Variants in CWC27 observed in about 807,000 individuals in gnomAD.
CWC27 encodes the protein CWC27 spliceosome associated cyclophilin.
In CWC27, 47 loss-of-function variants were observed where a neutral mutation model predicts 63.6. That is an observed-to-expected ratio of 0.74 (90% CI 0.58 to 0.94). The LOEUF is 0.94. CWC27 is among the 40% of genes least tolerant of loss of function. The pLI is 0.00. For missense variants in CWC27, 495 were observed against 554.3 expected, an observed-to-expected ratio of 0.89 and a Z score of 1.07; for synonymous variants, 175 against 179.8, an observed-to-expected ratio of 0.97 and a Z score of 0.22.
chr5:64,784,237 A>G (rs906034247), intron 4 of CWC27, among the ~76,000 whole-genome samples: 5 of 152,192 alleles, frequency 3.3e-5, no homozygotes, highest in Non-Finnish European at 7.4e-5. Context: ...AAATCATAGT[A>G]ATGGTATGAG....
intron 10 of CWC27, among the ~76,000 whole-genome samples, chr5:64,834,433 A>G (rs774543362): frequency 1.5e-4 from 22 of 151,630 alleles, no homozygotes; most frequent in Non-Finnish European, 2.8e-4. Flanking sequence ...CCTCCAAGAG[A>G]TCTGGAATAA....
Position 64,774,119 on chromosome 5 carries a change from A to G in CWC27, c.43-572A>G, listed in dbSNP as rs576764107. Among the ~76,000 whole-genome samples the G allele has an allele frequency of 2.6e-5, 4 of 152,098 alleles. No individual in the cohort carries two copies. In the South Asian group the frequency reaches 8.3e-4, roughly 32 times the overall value. On this transcript the variant is annotated intron_variant, in intron 1 of 13. Transcript: ENST00000381070. ...TTTATTGGAATTGATGCAATGGGAA[A>G]CTCAATTATAACAAATTTGCATTAT...
At chr5:64,904,033 G>A (rs1425732817) in intron 11 of CWC27, among the ~76,000 whole-genome samples, 1 of 152,158 alleles carries the variant, frequency 6.6e-6, no homozygotes, top group Non-Finnish European at 1.5e-5. Context: ...GCTATACAGT[G>A]AACATCCTTG....
rs571168976 is a variant in CWC27, at chr5:64,868,618, C to T, written c.939-16825C>T. ...GACCAGCAATCTGTGTTTTAACAAG[C>T]CTTCAGGTGATTCTGATATCAGCTA... On this transcript the variant is annotated intron_variant, in intron 10 of 13. Coordinates refer to ENST00000381070, the MANE Select transcript of CWC27 (RefSeq NM_005869.4). Among the ~76,000 whole-genome samples, 3 of 151,956 alleles carry T rather than the reference C, an allele frequency of 2.0e-5. 1 individual carries two copies. Among genetic ancestry groups the T allele is most frequent in the South Asian group, 4.2e-4 (2 of 4,814 alleles).
rs779536862 is a variant in CWC27 at position 64,971,660 on chromosome 5, G to A, written c.1043-43G>A. The A allele has an allele frequency of 5.6e-6, 8 of 1,428,440 alleles. No individual in the cohort carries two copies. In the South Asian group the frequency reaches 1.1e-4, roughly 20 times the overall value. 88.5% of individuals were successfully genotyped at this position (1,428,440 alleles called of 1,614,324 possible). ...ATAAACATTGCTATGAATCCACAGA[G>A]CTATTTTACTGCTTATTCTAAAAAT... On this transcript the variant is annotated intron_variant, in intron 11 of 13. Transcript: ENST00000381070.
Position 64,960,934 on chromosome 5 carries a change from T to TA in CWC27, c.1043-10766dup, listed in dbSNP as rs397725068. Reference sequence around the variant, plus strand: ...AGCTCAATACACTGTTTTTTTTTTTTAAATGAATGAATTTGCAGCTACTTA... The same window carrying TA: ...AGCTCAATACACTGTTTTTTTTTTTTAAAATGAATGAATTTGCAGCTACTTA... On this transcript the variant is annotated intron_variant, in intron 11 of 13. Coordinates refer to ENST00000381070, the MANE Select transcript of CWC27 (RefSeq NM_005869.4). Among the ~76,000 whole-genome samples the TA allele has an allele frequency of 1.9e-3, 287 of 151,908 alleles. 1 individual carries two copies. Among genetic ancestry groups the TA allele is most frequent in the Non-Finnish European group, 3.3e-3 (221 of 67,942 alleles).
At chr5:64,788,717 AAGTT>A (rs1743968426) in intron 6 of CWC27, among the ~76,000 whole-genome samples, 1 of 151,976 alleles carries the variant, frequency 6.6e-6, no homozygotes, top group South Asian at 2.1e-4. Flanking sequence ...TGGTCATTAA[AAGTT>A]AGTATAATAT....
In CWC27 at chr5:64,990,365, C is replaced by T. The variant is rs532795127; in HGVS notation, c.1256+13127C>T. ...CTGCAAGCTCCGCCTCCCGGGTTCA[C>T]GCCATTCTCCTTCCTCAGCCTCCCA... On this transcript the variant is annotated intron_variant, in intron 13 of 13. Transcript: ENST00000381070. 2.4e-3 allele frequency among the ~76,000 whole-genome samples: 228 copies of T among 95,968 alleles called. 64 individuals are homozygous for T. The highest frequency in any genetic ancestry group is 8.9e-3 in the African/African-American group (212 of 23,882). The allele number at this position is 95,968 out of a possible 152,430, so 63.0% of individuals were successfully genotyped here. A position where few individuals can be genotyped will look rare whatever the true frequency, so the allele number is the denominator to read the frequency against.
chr5:64,824,057 A>G (rs1344489775), intron 10 of CWC27, among the ~76,000 whole-genome samples: 1 of 152,236 alleles, frequency 6.6e-6, no homozygotes, highest in Admixed American at 6.5e-5. Flanking sequence ...CAAATTTAAA[A>G]GATAAAGTTC....
Position 64,956,979 on chromosome 5 carries a change from G to C in CWC27, c.1043-14724G>C, listed in dbSNP as rs567559804. Among the ~76,000 whole-genome samples, 93 of 152,264 alleles carry C rather than the reference G, an allele frequency of 6.1e-4. 1 individual carries two copies. The highest frequency in any genetic ancestry group is 1.8e-3 in the Admixed American group (28 of 15,280). ...AAAAATGGTGATGGTGCTGGCAGAA[G>C]TGGTCATACTTATATTTTAGAAGCT... On this transcript the variant is annotated intron_variant, in intron 11 of 13. Transcript: ENST00000381070.
intron 11 of CWC27, among the ~76,000 whole-genome samples, chr5:64,961,768 T>C (rs116526783): frequency 4.2e-4 from 64 of 152,312 alleles, no homozygotes; most frequent in African/African-American, 1.4e-3. Flanking sequence ...CAAGCTTTAC[T>C]ATATTCTAAT....
intron 10 of CWC27, among the ~76,000 whole-genome samples, chr5:64,865,745 G>A (rs1746517963): frequency 6.6e-6 from 1 of 151,848 alleles, no homozygotes; most frequent in African/African-American, 2.4e-5. Flanking sequence ...ATTATTCTGG[G>A]CTCTAACAGC....
At chr5:64,995,812 C>T (rs1580771478) in intron 13 of CWC27, among the ~76,000 whole-genome samples, 1 of 152,092 alleles carries the variant, frequency 6.6e-6, no homozygotes, top group East Asian at 1.9e-4. Flanking sequence ...TATATTTTTA[C>T]TTTGAAAGTT....
At chr5:64,853,728 A>C (rs1302516943) in intron 10 of CWC27, among the ~76,000 whole-genome samples, 1 of 152,162 alleles carries the variant, frequency 6.6e-6, no homozygotes, top group East Asian at 1.9e-4. Context: ...CATTGTCAGG[A>C]GGACAGCAAC....
At chr5:64,979,965 TAAAAAAAA>T (rs35301190) in intron 13 of CWC27, among the ~76,000 whole-genome samples, 1 of 112,292 alleles carries the variant, frequency 8.9e-6, no homozygotes, top group African/African-American at 3.4e-5. Context: ...ACTTTTTATG[TAAAAAAAA>T]AAAAAAAAAA....
chr5:64,865,397 G>A (rs930966257), intron 10 of CWC27, among the ~76,000 whole-genome samples: 3 of 151,964 alleles, frequency 2.0e-5, no homozygotes, highest in African/African-American at 7.2e-5. Context: ...AAGTTAGTTA[G>A]TATTCACCTA....
intron 10 of CWC27, among the ~76,000 whole-genome samples, chr5:64,860,804 A>G (rs916341644): frequency 6.6e-6 from 1 of 152,224 alleles, no homozygotes; most frequent in Non-Finnish European, 1.5e-5. Context: ...CAAAATATAT[A>G]ATTAGTTGAT....
chr5:64,842,804 G>C (rs1258107282), intron 10 of CWC27, among the ~76,000 whole-genome samples: 1 of 151,790 alleles, frequency 6.6e-6, no homozygotes, highest in East Asian at 1.9e-4. Context: ...GTTTCGCCAT[G>C]TTGCCCAAGC....
chr5:64,937,694 G>A lies in CWC27; in HGVS notation c.1043-34009G>A, dbSNP rs937738038. On this transcript the variant is annotated intron_variant, in intron 11 of 13. Transcript: ENST00000381070. Reference sequence around the variant, plus strand: ...ATCTGTCTAATATTGACAGTGAGGTGTTAAAGTCTTCCACTATTATTATGT... The same window carrying A: ...ATCTGTCTAATATTGACAGTGAGGTATTAAAGTCTTCCACTATTATTATGT... Among the ~76,000 whole-genome samples the A allele has an allele frequency of 2.6e-5, 4 of 152,210 alleles. No homozygotes were observed. In the East Asian group the frequency reaches 5.8e-4, roughly 22 times the overall value.
Sources: allele counts gnomAD v4.1 joint callset (sites outside exome capture counted in the v4.1 genomes callset), GRCh38; gene constraint gnomAD v4.1.1; transcripts MANE v1.5; gene names NCBI Gene and HGNC (gene_info 2026-07-23, HGNC 2026-07-21).